The following PRDM16 variants were observed in gnomAD, a reference collection of about 807,000 sequenced individuals.
PRDM16 encodes PR/SET domain 16, also known as histone-lysine N-methyltransferase PRDM16.
PRDM16 carries 23 observed loss-of-function variants against 110.6 expected under a neutral mutation model. That is an observed-to-expected ratio of 0.21 (90% CI 0.15 to 0.29). The LOEUF is 0.29. Among genes scored for constraint, PRDM16 ranks in the 10% least tolerant of loss-of-function variants. The probability of loss-of-function intolerance (pLI) is 1.00; values close to 1 mark genes in which losing one functional copy is unlikely to be tolerated. For missense variants in PRDM16, 1,615 were observed against 1,794.3 expected, an observed-to-expected ratio of 0.90 and a Z score of 1.81; for synonymous variants, 799 against 781.8, an observed-to-expected ratio of 1.02 and a Z score of -0.37.
rs58379651 is a variant in PRDM16 at position 3,357,204 on chromosome 1, C to T, written c.439-27948C>T. Among the ~76,000 whole-genome samples the T allele has an allele frequency of 8.5e-4, 130 of 152,298 alleles. 1 individual carries two copies. Among genetic ancestry groups the T allele is most frequent in the African/African-American group, 3.0e-3 (123 of 41,556 alleles). ...CCAGTCCACCTGCGGGCGGACCTGG[C>T]TCTTGGCCCCCAGGGTCTGCGTGCC... On this transcript the variant is annotated intron_variant, in intron 3 of 16. Transcript: ENST00000270722.
intron 3 of PRDM16, among the ~76,000 whole-genome samples, chr1:3,341,767 G>T (rs535831271): frequency 6.6e-6 from 1 of 152,366 alleles, no homozygotes; most frequent in East Asian, 1.9e-4. Flanking sequence ...GCCGCTCCCA[G>T]GCCAGCCACA....
chr1:3,264,649 AAG>A (rs1640246659), intron 3 of PRDM16, among the ~76,000 whole-genome samples: 1 of 128,138 alleles, frequency 7.8e-6, no homozygotes, highest in Non-Finnish European at 1.6e-5. Flanking sequence ...GAGGGGAGGA[AAG>A]GGGAGGGGCG....
rs1362374151 is a variant in PRDM16 at position 3,359,470 on chromosome 1, A to G, written c.439-25682A>G. ...CACCTTCTAAGTAAACACACTTAAAAAAGCACAAAGCAGCAAGAATTGCGG... is the reference window on the plus strand; with the variant it reads ...CACCTTCTAAGTAAACACACTTAAAGAAGCACAAAGCAGCAAGAATTGCGG... On this transcript the variant is annotated intron_variant, in intron 3 of 16. Coordinates refer to ENST00000270722, the MANE Select transcript of PRDM16 (RefSeq NM_022114.4). This position sits in a 1 kb window ranked among gnomAD's most constrained non-coding sequence, Gnocchi z 4.3. Among the ~76,000 whole-genome samples the G allele has an allele frequency of 6.6e-6, 1 of 151,982 alleles. No individual in the cohort carries two copies. The highest frequency in any genetic ancestry group is 1.5e-5 in the Non-Finnish European group (1 of 67,996).
At position 3,412,183 on chromosome 1, in the gene PRDM16, G is replaced by A. The variant is rs751648985; in HGVS notation, c.1986G>A (p.Val662=). ...CGCCCCCGGGGGCCCCGAACAGCGTGGCCGAGGTGCCTGTCTTCTATTCCC... is the reference window on the plus strand; with the variant it reads ...CGCCCCCGGGGGCCCCGAACAGCGTAGCCGAGGTGCCTGTCTTCTATTCCC... ...GLAPPGAPNS[V]AEVPVFYSQH... The change falls in exon 9 of 17, where the codon GTG becomes GTA. Residue 662 remains valine, a synonymous_variant. Coordinates refer to ENST00000270722, the MANE Select transcript of PRDM16 (RefSeq NM_022114.4). The A allele has an allele frequency of 1.7e-5, 27 of 1,590,986 alleles. 1 individual carries two copies. The South Asian group carries it at 2.8e-4, about 17-fold the overall frequency.
At chr1:3,200,755 T>C (rs1638603058) in intron 2 of PRDM16, among the ~76,000 whole-genome samples, 1 of 152,130 alleles carries the variant, frequency 6.6e-6, no homozygotes, top group South Asian at 2.1e-4. Flanking sequence ...TTGTCCTACC[T>C]TCCGCCAAGT....
chr1:3,125,624 G>A (rs570264740), intron 1 of PRDM16, among the ~76,000 whole-genome samples: 3 of 152,382 alleles, frequency 2.0e-5, no homozygotes, highest in East Asian at 1.9e-4. Flanking sequence ...TCCCTGGACC[G>A]GGCTCCGCTT....
intron 7 of PRDM16, 39 bp downstream of exon 7, chr1:3,404,925 C>G: frequency 6.3e-7 from 1 of 1,597,586 alleles, no homozygotes; most frequent in Non-Finnish European, 8.5e-7. Flanking sequence ...CCCGGGGCAG[C>G]AGGAGGCTGC....
intron 1 of PRDM16, among the ~76,000 whole-genome samples, chr1:3,144,667 G>A (rs1335303859): frequency 2.6e-5 from 4 of 152,202 alleles, no homozygotes; most frequent in Admixed American, 6.5e-5. Context: ...ACCAAGGCGT[G>A]GGGGCTTTGC....
intron 3 of PRDM16, among the ~76,000 whole-genome samples, chr1:3,344,433 T>C (rs1033415614): frequency 1.3e-5 from 2 of 152,240 alleles, no homozygotes; most frequent in East Asian, 3.8e-4. Context: ...TCCCCTCTGT[T>C]AGTTCATTGT....
intron 2 of PRDM16, among the ~76,000 whole-genome samples, chr1:3,240,407 CA>C (rs113979441): frequency 0.17 from 17,408 of 105,130 alleles, 1,239 homozygotes; most frequent in African/African-American, 0.29. Context: ...CAACCTGTTT[CA>C]AAAAAAAAAA....
intron 3 of PRDM16, among the ~76,000 whole-genome samples, chr1:3,337,888 G>A (rs566659456): frequency 3.3e-4 from 50 of 151,708 alleles, no homozygotes; most frequent in African/African-American, 1.1e-3. Flanking sequence ...CCACATGCAC[G>A]GACACACACA....
At chr1:3,281,415 C>T (rs553929870) in intron 3 of PRDM16, among the ~76,000 whole-genome samples, 2 of 152,356 alleles carry the variant, frequency 1.3e-5, no homozygotes, top group African/African-American at 2.4e-5. Context: ...AAATAGGGAT[C>T]ATTCCTGTGC....
At chr1:3,427,850 C>T (rs1334303272) in intron 14 of PRDM16, among the ~76,000 whole-genome samples, 1 of 152,174 alleles carries the variant, frequency 6.6e-6, no homozygotes, top group Non-Finnish European at 1.5e-5. Flanking sequence ...CGGCATTCCC[C>T]AGTGGGCTCC....
intron 15 of PRDM16, among the ~76,000 whole-genome samples, 174 bp from the exon 16 acceptor site, chr1:3,431,792 G>A (rs549546119): frequency 2.4e-3 from 368 of 152,358 alleles, no homozygotes; most frequent in Non-Finnish European, 4.5e-3. Context: ...TCCTGCATCC[G>A]TGTGCCTTCC....
chr1:3,180,873 C>G, intron 1 of PRDM16, among the ~76,000 whole-genome samples: 1 of 152,096 alleles, frequency 6.6e-6, no homozygotes, highest in African/African-American at 2.4e-5. Flanking sequence ...CGGCCTTACA[C>G]ACGCAGTCTT....
In PRDM16 at chr1:3,425,966, G is replaced by A. The variant is rs2244013; in HGVS notation, c.3110-85G>A. The stretch of plus-strand genomic sequence containing the variant: ...AACCTGCCTCCCTAACAGCACCCCA[G>A]GTGTACCCCGTTCGCGGTTGGTTTG... On this transcript the variant is annotated intron_variant, in intron 13 of 16. Coordinates refer to ENST00000270722, the MANE Select transcript of PRDM16 (RefSeq NM_022114.4). This position sits in a 1 kb window ranked among gnomAD's most constrained non-coding sequence, Gnocchi z 6.9. The A allele has an allele frequency of 0.27, 399,501 of 1,453,832 alleles. 63,668 individuals carry two copies. Among genetic ancestry groups the A allele is most frequent in the African/African-American group, 0.71 (50,110 of 70,884 alleles). The allele number at this position is 1,453,832 out of a possible 1,614,324, so 90.1% of individuals were successfully genotyped here. A position where few individuals can be genotyped will look rare whatever the true frequency, so the allele number is the denominator to read the frequency against.
intron 2 of PRDM16, among the ~76,000 whole-genome samples, chr1:3,212,432 G>A (rs184829491): frequency 6.6e-6 from 1 of 152,258 alleles, no homozygotes; most frequent in East Asian, 1.9e-4. Context: ...GTCCAGGCCT[G>A]GAGCCGGCCG....
At chr1:3,357,307 C>T (rs1642626153) in intron 3 of PRDM16, among the ~76,000 whole-genome samples, 1 of 152,114 alleles carries the variant, frequency 6.6e-6, no homozygotes, top group Non-Finnish European at 1.5e-5. Context: ...CATTCCTGCT[C>T]TTCATGGCTG....
chr1:3,426,213 G>A lies in PRDM16; in HGVS notation c.3272G>A (p.Arg1091Gln), dbSNP rs564269453. The change falls in exon 14 of 17, where the codon CGA becomes CAA. Residue 1091 changes from arginine (R) to glutamine (Q), a missense_variant. Arg to Gln is a conservative substitution (Grantham distance 43). Around this residue, in one of 5 missense-constraint regions of PRDM16, gnomAD observed 327 missense variants for 359.3 expected, o/e 0.91. Coordinates refer to ENST00000270722, the MANE Select transcript of PRDM16 (RefSeq NM_022114.4). ...AGTGAGATGAACCAAGCATCAACGC[G>A]AACAGAGAAACGGTAAGAAAACTAT... ...ANSEMNQAST[R>Q]TEKRADMQIV... is the part of the protein sequence containing the mutation. The A allele has an allele frequency of 3.2e-5, 52 of 1,613,178 alleles. No individual in the cohort carries two copies. The highest frequency in any genetic ancestry group is 1.1e-4 in the African/African-American group (8 of 74,966).
Sources: gnomAD v4.1 joint callset for allele counts (sites outside exome capture counted in the v4.1 genomes callset) on GRCh38, gnomAD v4.1.1 for gene constraint, gnomAD v4.1.1 regional missense constraint, Gnocchi (gnomAD v3.1) non-coding constraint, MANE v1.5 for transcripts, NCBI Gene and HGNC (gene_info 2026-07-23, HGNC 2026-07-21) for gene names.